Variants in PDE7B observed in about 807,000 individuals in gnomAD.
The protein encoded by PDE7B is phosphodiesterase 7B.
A neutral mutation model predicts 56.2 loss-of-function variants in PDE7B; 29 were observed. The ratio of observed to expected loss-of-function variants is 0.52; its 90% confidence interval spans 0.38 to 0.70. PDE7B has a LOEUF of 0.70. PDE7B is among the 30% of genes least tolerant of loss of function. The probability of loss-of-function intolerance (pLI) is 0.00; values close to 1 mark genes in which losing one functional copy is unlikely to be tolerated. For missense variants in PDE7B, 490 were observed against 565.0 expected, an observed-to-expected ratio of 0.87 and a Z score of 1.35; for synonymous variants, 197 against 196.9, an observed-to-expected ratio of 1.00 and a Z score of 0.00.
chr6:136,001,797 C>T (rs1262592251), intron 2 of PDE7B, among the ~76,000 whole-genome samples: 2 of 152,118 alleles, frequency 1.3e-5, no homozygotes, highest in South Asian at 4.1e-4. Context: ...TCCAGGAGAA[C>T]TTCCCCAATC....
At chr6:135,930,545 A>T (rs112134662) in intron 1 of PDE7B, among the ~76,000 whole-genome samples, 1,966 of 152,230 alleles carry the variant, frequency 0.013, 43 homozygotes, top group African/African-American at 0.044. Flanking sequence ...TGCAGTGAGG[A>T]CTGAGGGCCC....
At chr6:136,187,505 C>T (rs1779160847) in intron 12 of PDE7B, among the ~76,000 whole-genome samples, 1 of 152,144 alleles carries the variant, frequency 6.6e-6, no homozygotes, top group Admixed American at 6.5e-5. Flanking sequence ...GGTCGCTACC[C>T]CTCATCCCTA....
chr6:136,144,296 A>G (rs1473169365), intron 3 of PDE7B, among the ~76,000 whole-genome samples: 2 of 152,080 alleles, frequency 1.3e-5, no homozygotes, highest in East Asian at 1.9e-4. Context: ...CTCTTTCTCT[A>G]TATGCACCAT....
chr6:136,100,698 A>G (rs1777546205), intron 2 of PDE7B, among the ~76,000 whole-genome samples: 1 of 152,224 alleles, frequency 6.6e-6, no homozygotes, highest in Admixed American at 6.5e-5. Flanking sequence ...TAAATATGCT[A>G]TCATGTCATC....
intron 2 of PDE7B, chr6:136,037,411 C>T (rs1289822090): frequency 1.0e-6 from 1 of 985,072 alleles, no homozygotes; most frequent in African/African-American, 1.7e-5. Context: ...AGGTCATAAC[C>T]CAGATAGGTT....
intron 1 of PDE7B, among the ~76,000 whole-genome samples, chr6:135,896,123 T>C (rs1258010699): frequency 3.3e-5 from 5 of 152,010 alleles, no homozygotes; most frequent in Non-Finnish European, 7.4e-5. Context: ...TCTGGAGAGG[T>C]TGAGCCTAGA....
At chr6:135,865,282 AT>A (rs897360976) in intron 1 of PDE7B, among the ~76,000 whole-genome samples, 1 of 151,914 alleles carries the variant, frequency 6.6e-6, no homozygotes, top group African/African-American at 2.4e-5. Flanking sequence ...TTTGTTCTTC[AT>A]TTTGAAGATT....
At chr6:136,088,995 CAA>C (rs59630761) in intron 2 of PDE7B, among the ~76,000 whole-genome samples, 2 of 136,342 alleles carry the variant, frequency 1.5e-5, no homozygotes, top group Non-Finnish European at 1.6e-5. Flanking sequence ...TTTCCCCCGC[CAA>C]AAAAAAAAAG....
At chr6:135,866,929 G>T (rs1021841066) in intron 1 of PDE7B, among the ~76,000 whole-genome samples, 2 of 152,188 alleles carry the variant, frequency 1.3e-5, no homozygotes, top group African/African-American at 4.8e-5. Context: ...TGTAAAACTA[G>T]GTCTTTGGTG....
chr6:135,977,997 T>A (rs574551051), intron 2 of PDE7B, among the ~76,000 whole-genome samples: 1 of 152,280 alleles, frequency 6.6e-6, no homozygotes, highest in African/African-American at 2.4e-5. Context: ...AATTTATGTC[T>A]ACCTGGGCTA....
intron 1 of PDE7B, among the ~76,000 whole-genome samples, chr6:135,919,507 A>T (rs1357287655): frequency 6.6e-6 from 1 of 152,180 alleles, no homozygotes; most frequent in Non-Finnish European, 1.5e-5. Flanking sequence ...CCACATATAG[A>T]TTTTCTCTCA....
intron 2 of PDE7B, among the ~76,000 whole-genome samples, chr6:135,978,146 A>T (rs1220121450): frequency 6.6e-6 from 1 of 152,094 alleles, no homozygotes; most frequent in East Asian, 1.9e-4. Flanking sequence ...CCTACTACGC[A>T]CCCAGGCTAT....
chr6:136,004,619 T>G lies in PDE7B; in HGVS notation c.82+57095T>G, dbSNP rs550740619. Among the ~76,000 whole-genome samples, 55 of 150,796 alleles carry G rather than the reference T, an allele frequency of 3.6e-4. No homozygotes were observed. In the South Asian group the frequency reaches 0.01, roughly 29 times the overall value. On this transcript the variant is annotated intron_variant, in intron 2 of 12. Transcript: ENST00000308191. The stretch of plus-strand genomic sequence containing the variant: ...CCATTCACAATTGCTTCAAAGAGAA[T>G]AAAATACCTAGGAATCCAACTTACA...
intron 1 of PDE7B, among the ~76,000 whole-genome samples, chr6:135,854,620 C>G (rs142511659): frequency 2.6e-5 from 4 of 152,288 alleles, no homozygotes; most frequent in Admixed American, 6.5e-5. Flanking sequence ...CTCCTCATGG[C>G]GGCAGCCCCA....
At chr6:136,028,924 C>G (rs1414579339) in intron 2 of PDE7B, among the ~76,000 whole-genome samples, 2 of 152,166 alleles carry the variant, frequency 1.3e-5, no homozygotes, top group African/African-American at 4.8e-5. Context: ...TACATAATGT[C>G]AGATGCATCT....
At chr6:135,989,327 A>G (rs1034838459) in intron 2 of PDE7B, among the ~76,000 whole-genome samples, 28 of 152,138 alleles carry the variant, frequency 1.8e-4, no homozygotes, top group African/African-American at 6.3e-4. Flanking sequence ...AATGTACGTT[A>G]TCAGGGCCGA....
intron 2 of PDE7B, among the ~76,000 whole-genome samples, chr6:135,983,810 T>A (rs940274036): frequency 6.6e-6 from 1 of 152,242 alleles, no homozygotes; most frequent in Non-Finnish European, 1.5e-5. Context: ...TTGAAAATGC[T>A]ACAAGATTTT....
At chr6:135,994,606 G>T (rs1462571703) in intron 2 of PDE7B, among the ~76,000 whole-genome samples, 1 of 152,142 alleles carries the variant, frequency 6.6e-6, no homozygotes, top group Non-Finnish European at 1.5e-5. Flanking sequence ...CTCAAAATCC[G>T]ATTGGAAGAG....
At chr6:136,083,153 A>AG (rs542238151) in intron 2 of PDE7B, among the ~76,000 whole-genome samples, 214 of 152,340 alleles carry the variant, frequency 1.4e-3, no homozygotes, top group African/African-American at 3.8e-3. Context: ...TTGATAACTG[A>AG]GGCCTATCAG....
Sources: allele counts gnomAD v4.1 joint callset (sites outside exome capture counted in the v4.1 genomes callset), GRCh38; gene constraint gnomAD v4.1.1; transcripts MANE v1.5; gene names NCBI Gene and HGNC (gene_info 2026-07-23, HGNC 2026-07-21).